Variants in CACNA2D1 observed in about 807,000 individuals in gnomAD.
CACNA2D1 encodes voltage-dependent calcium channel subunit alpha-2/delta-1.
In CACNA2D1, 53 loss-of-function variants were observed where a neutral mutation model predicts 171.5. The ratio of observed to expected loss-of-function variants is 0.31; its 90% confidence interval spans 0.25 to 0.39. The LOEUF is 0.39. Ranked by LOEUF, CACNA2D1 falls within the 10% of genes least tolerant of loss-of-function variation. The pLI is 1.00. For missense variants in CACNA2D1, 903 were observed against 1,299.8 expected (o/e 0.69, Z 4.69); for synonymous variants, 442 against 443.1 (o/e 1.00, Z 0.03).
intron 3 of CACNA2D1, among the ~76,000 whole-genome samples, chr7:82,205,600 G>A (rs567388925): frequency 1.6e-4 from 24 of 151,960 alleles, no homozygotes; most frequent in African/African-American, 2.9e-4. Flanking sequence ...ATATTTTCCC[G>A]TCAAAAATGG....
intron 1 of CACNA2D1, among the ~76,000 whole-genome samples, chr7:82,421,751 G>A (rs936309414): frequency 6.6e-6 from 1 of 152,156 alleles, no homozygotes; most frequent in African/African-American, 2.4e-5. Context: ...TCAGACCACA[G>A]ATGCGCCTTA....
chr7:81,997,549 C>G (rs1028042626), intron 18 of CACNA2D1, among the ~76,000 whole-genome samples: 6 of 151,236 alleles, frequency 4.0e-5, no homozygotes, highest in African/African-American at 1.2e-4. Flanking sequence ...TTTTGAAGAA[C>G]CATTCACAAC....
intron 1 of CACNA2D1, among the ~76,000 whole-genome samples, chr7:82,365,896 C>G (rs1489334894): frequency 6.6e-6 from 1 of 152,116 alleles, no homozygotes; most frequent in African/African-American, 2.4e-5. Context: ...AGATGACAGA[C>G]AAGAATATTG....
chr7:81,968,967 C>A lies in CACNA2D1; in HGVS notation c.2315G>T (p.Gly772Val). 6.4e-7 allele frequency: 1 copy of A among 1,562,390 alleles called. No individual in the cohort carries two copies. The highest frequency in any genetic ancestry group is 8.8e-7 in the Non-Finnish European group (1 of 1,136,622). ...AATGCCCGATTCATAGGCACCAGGT[C>A]CACTTTCTAAAAAAAAAATAAATAA... ...VFTAPYFNKS[G>V]PGAYESGIMV... is the part of the protein sequence containing the mutation. Residue 772 changes from glycine (G) to valine (V), a missense_variant, in exon 29 of 39, where the codon GGA becomes GTA. Physicochemically the swap from Gly to Val is moderately radical, Grantham distance 109. This residue lies in a region of CACNA2D1 where 623 missense variants were observed against 925.5 expected (regional missense o/e 0.67). Coordinates refer to ENST00000356860, the MANE Select transcript of CACNA2D1 (RefSeq NM_000722.4).
rs565664244 is a variant in CACNA2D1, at chr7:81,970,409, T to G, written c.2204+266A>C. ...GTTCATTTCACTGGTTTAGCTTGTA[T>G]CTACAAAGAGAAAAATCTCTTTAAA... On this transcript the variant is annotated intron_variant, in intron 27 of 38. Coordinates refer to ENST00000356860, the MANE Select transcript of CACNA2D1 (RefSeq NM_000722.4). Among the ~76,000 whole-genome samples, 5 of 151,654 alleles carry G rather than the reference T, an allele frequency of 3.3e-5. No homozygotes were observed. The South Asian group carries it at 1.0e-3, about 31-fold the overall frequency.
intron 10 of CACNA2D1, among the ~76,000 whole-genome samples, chr7:82,059,638 T>C (rs1423397474): frequency 6.6e-6 from 1 of 151,986 alleles, no homozygotes; most frequent in Non-Finnish European, 1.5e-5. Flanking sequence ...ATTACTTCAA[T>C]TACTTTAACC....
intron 4 of CACNA2D1, among the ~76,000 whole-genome samples, chr7:82,163,101 A>T (rs977153197): frequency 6.6e-6 from 1 of 152,070 alleles, no homozygotes; most frequent in Admixed American, 6.6e-5. Flanking sequence ...TACAAAAATT[A>T]TCTCTGGGAA....
At chr7:82,435,679 G>T (rs1830062090) in intron 1 of CACNA2D1, among the ~76,000 whole-genome samples, 1 of 151,980 alleles carries the variant, frequency 6.6e-6, no homozygotes, top group African/African-American at 2.4e-5. Flanking sequence ...TAGTCTCATT[G>T]CCTCTGCCTA....
chr7:82,011,587 G>A (rs865949850), intron 15 of CACNA2D1, among the ~76,000 whole-genome samples: 73 of 152,212 alleles, frequency 4.8e-4, no homozygotes, highest in African/African-American at 1.6e-3. Context: ...CCTCAATGAC[G>A]TATTTCCATA....
chr7:82,418,491 A>C (rs1325093549), intron 1 of CACNA2D1, among the ~76,000 whole-genome samples: 2 of 152,190 alleles, frequency 1.3e-5, no homozygotes, highest in Admixed American at 6.5e-5. Flanking sequence ...CTACTTTTTG[A>C]TAGAATAAAG....
At chr7:82,101,877 CTG>C (rs1343509343) in intron 6 of CACNA2D1, among the ~76,000 whole-genome samples, 2 of 152,040 alleles carry the variant, frequency 1.3e-5, no homozygotes, top group African/African-American at 4.8e-5. Context: ...AGTGGTGTAA[CTG>C]TATCAGTAGG....
intron 3 of CACNA2D1, among the ~76,000 whole-genome samples, chr7:82,286,368 T>A (rs1224325080): frequency 3.3e-5 from 5 of 152,146 alleles, no homozygotes; most frequent in Non-Finnish European, 7.3e-5. Context: ...AGATTTATAA[T>A]CACTCGCAGG....
rs550794714 is a variant in CACNA2D1, at chr7:81,950,403, G to A, written c.3265C>T (p.Arg1089Cys). 6.5e-5 allele frequency: 105 copies of A among 1,613,064 alleles called. No individual in the cohort carries two copies. In the East Asian group the frequency reaches 9.1e-4, roughly 14 times the overall value. ...TGGTTTTTAGAAGGTCATAACAGGCGGTGTGTGCTGCCAGATACCAGCCAA... is the reference window on the plus strand; with the variant it reads ...TGGTTTTTAGAAGGTCATAACAGGCAGTGTGTGCTGCCAGATACCAGCCAA... ...LLWLVSGSTH[R>C]LL Residue 1089 changes from arginine to cysteine, a missense_variant, in exon 39 of 39, where the codon CGC (arginine) becomes TGC (cysteine). Coordinates refer to ENST00000356860, the MANE Select transcript of CACNA2D1 (RefSeq NM_000722.4).
At chr7:82,378,591 T>G (rs1823293534) in intron 1 of CACNA2D1, among the ~76,000 whole-genome samples, 1 of 152,204 alleles carries the variant, frequency 6.6e-6, no homozygotes, top group Non-Finnish European at 1.5e-5. Context: ...GCATTACAGC[T>G]ATCTCTACAT....
chr7:82,248,943 C>T (rs1221413274), intron 3 of CACNA2D1, among the ~76,000 whole-genome samples: 2 of 152,054 alleles, frequency 1.3e-5, no homozygotes, highest in South Asian at 4.1e-4. Context: ...CGGTGAAACC[C>T]TGTCTCTACT....
intron 38 of CACNA2D1, among the ~76,000 whole-genome samples, chr7:81,955,962 A>C (rs1160052347): frequency 1.5e-5 from 1 of 67,704 alleles, no homozygotes; most frequent in African/African-American, 6.0e-5. Context: ...CACTGTTGCT[A>C]TATATATATA....
In CACNA2D1 at chr7:82,228,109, T is replaced by C. The variant is rs151052988; in HGVS notation, c.295-57500A>G. 4.5e-3 allele frequency among the ~76,000 whole-genome samples: 689 copies of C among 152,240 alleles called. 4 individuals are homozygous for C. Among genetic ancestry groups the C allele is most frequent in the Non-Finnish European group, 7.9e-3 (534 of 68,004 alleles). ...GTAATTAAGGTTCCTAATCAGTTGATATTGAGTTAATAAAAAAGGAGATTA... is the reference window on the plus strand; with the variant it reads ...GTAATTAAGGTTCCTAATCAGTTGACATTGAGTTAATAAAAAAGGAGATTA... On this transcript the variant is annotated intron_variant, in intron 3 of 38. Coordinates refer to ENST00000356860, the MANE Select transcript of CACNA2D1 (RefSeq NM_000722.4).
At chr7:82,253,716 A>C (rs1365458616) in intron 3 of CACNA2D1, among the ~76,000 whole-genome samples, 1 of 152,146 alleles carries the variant, frequency 6.6e-6, no homozygotes, top group Non-Finnish European at 1.5e-5. Context: ...ATATTACATG[A>C]TTTTTACACT....
chr7:82,300,196 A>AT (rs139246390), intron 3 of CACNA2D1, among the ~76,000 whole-genome samples: 15 of 150,458 alleles, frequency 1.0e-4, no homozygotes, highest in Middle Eastern at 3.4e-3. Context: ...AAGTTAGGGA[A>AT]TTTTTTTTTT....
Sources: allele counts gnomAD v4.1 joint callset (sites outside exome capture counted in the v4.1 genomes callset), GRCh38; gene constraint gnomAD v4.1.1; regional missense constraint gnomAD v4.1.1; transcripts MANE v1.5; gene names NCBI Gene and HGNC (gene_info 2026-07-23, HGNC 2026-07-21).